Variants in PIP5K1B observed in about 807,000 individuals in gnomAD.
PIP5K1B encodes the protein phosphatidylinositol-4-phosphate 5-kinase type 1 beta, also known as phosphatidylinositol 4-phosphate 5-kinase type-1 beta.
In PIP5K1B, 42 loss-of-function variants were observed where a neutral mutation model predicts 67.0. That is an observed-to-expected ratio of 0.63 (90% CI 0.49 to 0.81). PIP5K1B has a LOEUF of 0.81. Among genes scored for constraint, PIP5K1B ranks in the 30% least tolerant of loss-of-function variants. The pLI is 0.00. For synonymous variants in PIP5K1B, 214 were observed against 231.4 expected (o/e 0.92, Z 0.68); for missense variants, 459 against 646.3 (o/e 0.71, Z 3.14).
chr9:68,962,748 G>T (rs948719931), intron 14 of PIP5K1B, among the ~76,000 whole-genome samples: 6 of 152,160 alleles, frequency 3.9e-5, no homozygotes, highest in Non-Finnish European at 7.3e-5. Flanking sequence ...CCCTAGAGCT[G>T]CACCGATATT....
chr9:68,874,615 T>C (rs1823784544), intron 5 of PIP5K1B, among the ~76,000 whole-genome samples: 1 of 152,136 alleles, frequency 6.6e-6, no homozygotes, highest in Non-Finnish European at 1.5e-5. Flanking sequence ...AAAATAATAA[T>C]AGTAAATGCA....
At chr9:68,824,626 C>G (rs762872065) in intron 4 of PIP5K1B, among the ~76,000 whole-genome samples, 12 of 152,006 alleles carry the variant, frequency 7.9e-5, no homozygotes, top group Non-Finnish European at 1.8e-4. Context: ...TGTACGTAGC[C>G]TCTCTTAAAA....
chr9:68,800,123 C>T (rs992268663), intron 2 of PIP5K1B, among the ~76,000 whole-genome samples: 10 of 152,306 alleles, frequency 6.6e-5, no homozygotes, highest in African/African-American at 2.4e-4. Flanking sequence ...GCCTGGCCTT[C>T]CCATATCAGG....
chr9:68,709,433 A>G (rs1827279096), intron 1 of PIP5K1B, among the ~76,000 whole-genome samples: 2 of 152,098 alleles, frequency 1.3e-5, no homozygotes, highest in South Asian at 2.1e-4. Flanking sequence ...GGGTTGCACC[A>G]TGTTGCCTAG....
chr9:68,904,780 T>C (rs529721103), intron 8 of PIP5K1B, among the ~76,000 whole-genome samples: 1 of 151,136 alleles, frequency 6.6e-6, no homozygotes, highest in East Asian at 1.9e-4. Flanking sequence ...AAACTCTCAC[T>C]GCAAACCAAA....
chr9:68,862,613 G>A (rs1252310301), intron 4 of PIP5K1B, among the ~76,000 whole-genome samples: 1 of 151,954 alleles, frequency 6.6e-6, no homozygotes, highest in Non-Finnish European at 1.5e-5. Flanking sequence ...CCAACATGGC[G>A]AAATCCCATC....
rs920290706 is a variant in PIP5K1B at position 68,776,393 on chromosome 9, T to C, written c.-86+33736T>C. ...ACTTTAAACATTCTAGTTCCACTTA[T>C]TCCTCATTGAGATCTTATAAATTAG... On this transcript the variant is annotated intron_variant, in intron 2 of 15. Transcript: ENST00000265382. Among the ~76,000 whole-genome samples, 6 of 152,320 alleles carry C rather than the reference T, an allele frequency of 3.9e-5. No homozygotes were observed. The East Asian group carries it at 1.2e-3, about 29-fold the overall frequency.
rs1832817617 is a variant in PIP5K1B at position 68,805,388 on chromosome 9, T to C, written c.-85-13073T>C. ...AATGAGGGTCCACTCTGTCCTGTGG[T>C]GCTCCTTCTGGTGAGAGTAGCTAAA... is the stretch of plus-strand genomic sequence containing the variant. On this transcript the variant is annotated intron_variant, in intron 2 of 15. Coordinates refer to ENST00000265382, the MANE Select transcript of PIP5K1B (RefSeq NM_003558.4). Among the ~76,000 whole-genome samples the C allele has an allele frequency of 3.3e-5, 5 of 152,220 alleles. No homozygotes were observed. In the South Asian group the frequency reaches 1.0e-3, roughly 32 times the overall value.
intron 14 of PIP5K1B, among the ~76,000 whole-genome samples, chr9:68,961,328 A>G (rs1453875101): frequency 1.3e-5 from 2 of 152,190 alleles, no homozygotes; most frequent in African/African-American, 4.8e-5. Flanking sequence ...AATGAGCACA[A>G]TTTTCTTCTC....
At chr9:68,943,860 A>G (rs755516377) in intron 14 of PIP5K1B, among the ~76,000 whole-genome samples, 5 of 152,240 alleles carry the variant, frequency 3.3e-5, no homozygotes, top group Non-Finnish European at 7.3e-5. Flanking sequence ...TCTTTTTAGA[A>G]TCCTTAAGTT....
At chr9:68,973,242 C>T (rs1829479061) in intron 14 of PIP5K1B, among the ~76,000 whole-genome samples, 1 of 151,880 alleles carries the variant, frequency 6.6e-6, no homozygotes, top group Non-Finnish European at 1.5e-5. Context: ...GAGACTCCAT[C>T]TCAAAATAAT....
intron 4 of PIP5K1B, among the ~76,000 whole-genome samples, chr9:68,841,357 A>G (rs1821909622): frequency 6.6e-6 from 1 of 152,226 alleles, no homozygotes; most frequent in South Asian, 2.1e-4. Context: ...ATTATTATGC[A>G]TCTCCCACAG....
At chr9:68,910,188 G>A (rs1315944136) in intron 8 of PIP5K1B, among the ~76,000 whole-genome samples, 1 of 152,156 alleles carries the variant, frequency 6.6e-6, no homozygotes, top group Non-Finnish European at 1.5e-5. Flanking sequence ...CTAATTTATA[G>A]CAAAACAACT....
At chr9:68,945,425 T>C (rs1353670188) in intron 14 of PIP5K1B, among the ~76,000 whole-genome samples, 1 of 152,188 alleles carries the variant, frequency 6.6e-6, no homozygotes, top group East Asian at 1.9e-4. Context: ...GGATTACAGG[T>C]GTGAGCCACC....
chr9:68,745,384 G>T (rs1352486408), intron 2 of PIP5K1B, among the ~76,000 whole-genome samples: 1 of 152,210 alleles, frequency 6.6e-6, no homozygotes, highest in Non-Finnish European at 1.5e-5. Context: ...CAGTGAAAAA[G>T]GTTTTGGGCT....
intron 12 of PIP5K1B, among the ~76,000 whole-genome samples, chr9:68,927,057 A>G (rs1461234543): frequency 2.0e-5 from 3 of 152,178 alleles, no homozygotes; most frequent in Non-Finnish European, 4.4e-5. Context: ...GGCTTTTTGC[A>G]CTTAACAGAA....
At chr9:68,735,781 G>A (rs887243923) in intron 1 of PIP5K1B, among the ~76,000 whole-genome samples, 3 of 152,148 alleles carry the variant, frequency 2.0e-5, no homozygotes, top group African/African-American at 7.2e-5. Flanking sequence ...TGGAATGATG[G>A]GACTGTTACT....
At chr9:68,875,617 T>C (rs1037693517) in intron 5 of PIP5K1B, among the ~76,000 whole-genome samples, 9 of 152,338 alleles carry the variant, frequency 5.9e-5, no homozygotes, top group Non-Finnish European at 8.8e-5. Context: ...AAAGTGTTTA[T>C]TCTGTGCTGA....
chr9:68,753,758 T>C (rs1337184951), intron 2 of PIP5K1B, among the ~76,000 whole-genome samples: 2 of 152,146 alleles, frequency 1.3e-5, no homozygotes, highest in East Asian at 3.9e-4. Flanking sequence ...TCTCCTGACC[T>C]TGTGATCTGC....
Sources: gnomAD v4.1 joint callset for allele counts (sites outside exome capture counted in the v4.1 genomes callset) on GRCh38, gnomAD v4.1.1 for gene constraint, MANE v1.5 for transcripts, NCBI Gene and HGNC (gene_info 2026-07-23, HGNC 2026-07-21) for gene names.